Variants in GRAP2 observed in about 807,000 individuals in gnomAD.
The protein encoded by GRAP2 is GRB2 related adaptor protein 2.
In GRAP2, 31 loss-of-function variants were observed where a neutral mutation model predicts 43.5. The observed-to-expected ratio is 0.71, with a 90% CI of 0.54 to 0.96. The LOEUF (loss-of-function observed/expected upper bound fraction) is 0.96. Among genes scored for constraint, GRAP2 ranks in the 40% least tolerant of loss-of-function variants. GRAP2 has a pLI of 0.00. For synonymous variants in GRAP2, 156 were observed against 164.8 expected (o/e 0.95, Z 0.41); for missense variants, 371 against 424.4 (o/e 0.87, Z 1.11).
At chr22:39,913,508 A>G (rs2066582033) in intron 1 of GRAP2, among the ~76,000 whole-genome samples, 1 of 152,176 alleles carries the variant, frequency 6.6e-6, no homozygotes, top group Admixed American at 6.5e-5. Context: ...ACCGATGCTG[A>G]GTCAGCCAAG....
intron 1 of GRAP2, among the ~76,000 whole-genome samples, chr22:39,932,069 C>T (rs2066760811): frequency 6.6e-6 from 1 of 152,146 alleles, no homozygotes; most frequent in Non-Finnish European, 1.5e-5. Flanking sequence ...CAAAGGCTAG[C>T]CCACTCCCCG....
rs2145690647 is a variant in GRAP2, at chr22:39,972,694, A to G, written c.*1610A>G. 6.6e-6 allele frequency: 1 copy of G among 152,392 alleles called. No individual in the cohort carries two copies. The highest frequency in any genetic ancestry group is 1.5e-5 in the Non-Finnish European group (1 of 68,044). 9.4% of individuals were successfully genotyped at this position (152,392 alleles called of 1,614,324 possible). A position where few individuals can be genotyped will look rare whatever the true frequency, so the allele number is the denominator to read the frequency against. On this transcript the variant is annotated 3_prime_UTR_variant, in exon 8 of 8. Transcript: ENST00000344138. ...CAGTGTCCCTTGTGACTGTGATTCT[A>G]CAGTTCTCTGATCCTCATGTTTCCT...
intron 1 of GRAP2, among the ~76,000 whole-genome samples, chr22:39,944,784 G>T (rs1014759312): frequency 3.9e-5 from 6 of 152,150 alleles, no homozygotes; most frequent in African/African-American, 1.4e-4. Context: ...CCCAAATCAA[G>T]GTCTTATCTA....
At chr22:39,894,096 GA>G in the GRAP2 span, among the ~76,000 whole-genome samples, 970 of 148,116 alleles carry the variant, frequency 6.5e-3, 5 homozygotes, top group South Asian at 0.04. Context: ...ATTAAAAAAA[GA>G]AAAAAAATGC....
At chr22:39,897,378 T>C (rs979136250), upstream of GRAP2, among the ~76,000 whole-genome samples, 1 of 152,206 alleles carries the variant, frequency 6.6e-6, no homozygotes, top group African/African-American at 2.4e-5. Context: ...TACATTCTAA[T>C]ACAAGATACA....
intron 2 of GRAP2, among the ~76,000 whole-genome samples, chr22:39,950,142 T>G (rs760191604): frequency 6.0e-4 from 91 of 152,070 alleles, no homozygotes; most frequent in Non-Finnish European, 1.0e-3. Context: ...CCCTATATAC[T>G]CTGATTGCCC....
chr22:39,903,984 T>C (rs1295278148), intron 1 of GRAP2, among the ~76,000 whole-genome samples: 3 of 152,240 alleles, frequency 2.0e-5, no homozygotes, highest in Non-Finnish European at 4.4e-5. Flanking sequence ...TCTTTTTAAA[T>C]ATGTATTTAT....
At chr22:39,946,988 C>T in intron 1 of GRAP2, 105 bp from the exon 2 acceptor site, 1 of 740,536 alleles carries the variant, frequency 1.4e-6, no homozygotes, top group Non-Finnish European at 2.5e-6. Flanking sequence ...TGGAGACATC[C>T]ATCTGCCCAC....
chr22:39,966,122 G>A lies in GRAP2; in HGVS notation c.423G>A (p.Lys141=). 1.2e-6 allele frequency: 2 copies of A among 1,614,122 alleles called. No homozygotes were observed. Among genetic ancestry groups the A allele is most frequent in the Non-Finnish European group, 1.7e-6 (2 of 1,179,944 alleles). The change falls in exon 5 of 8, where the codon AAG becomes AAA. Residue 141 remains lysine (K), a synonymous_variant. Transcript: ENST00000344138. ...YYRTNSISRQ[K]QIFLRDRTRE... ...GGACAAATTCCATCTCCAGACAGAAGCAGATCTTCCTTAGAGACAGAACCC... is the reference window on the plus strand; with the variant it reads ...GGACAAATTCCATCTCCAGACAGAAACAGATCTTCCTTAGAGACAGAACCC...
intron 1 of GRAP2, among the ~76,000 whole-genome samples, chr22:39,939,839 G>A (rs1404315999): frequency 6.6e-6 from 1 of 151,650 alleles, no homozygotes; most frequent in Non-Finnish European, 1.5e-5. Context: ...AGCCTGGGAG[G>A]TGGAGGTTGC....
At chr22:39,949,023 T>G (rs903523518) in intron 2 of GRAP2, among the ~76,000 whole-genome samples, 2 of 152,190 alleles carry the variant, frequency 1.3e-5, no homozygotes, top group African/African-American at 2.4e-5. Context: ...GACCCTCAAG[T>G]CTGTGGCTCG....
At position 39,965,921 on chromosome 22, in the gene GRAP2, T is replaced by A. The variant is rs188608044; in HGVS notation, c.291-69T>A. On this transcript the variant is annotated intron_variant, in intron 4 of 7. Transcript: ENST00000344138. Reference sequence around the variant, plus strand: ...TCAAAGAGAACTCCACCATCCCAGATGTGAGCAGCCTGGAGGTGGTGACAT... The same window carrying A: ...TCAAAGAGAACTCCACCATCCCAGAAGTGAGCAGCCTGGAGGTGGTGACAT... 15 of 1,265,446 alleles carry A rather than the reference T, an allele frequency of 1.2e-5. No homozygotes were observed. In the East Asian group the frequency reaches 3.5e-4, roughly 29 times the overall value. The allele number at this position is 1,265,446 out of a possible 1,614,324, so 78.4% of individuals were successfully genotyped here.
chr22:39,924,035 T>TCA (rs1162641309), intron 1 of GRAP2, among the ~76,000 whole-genome samples: 4 of 152,212 alleles, frequency 2.6e-5, no homozygotes, highest in Non-Finnish European at 4.4e-5. Flanking sequence ...ATTAAGTAAG[T>TCA]CACTCATGTT....
At chr22:39,912,333 A>G (rs78042355) in intron 1 of GRAP2, among the ~76,000 whole-genome samples, 3,505 of 152,278 alleles carry the variant, frequency 0.023, 143 homozygotes, top group African/African-American at 0.08. Context: ...CAGGAGGATC[A>G]CTTGAGCCCA....
chr22:39,958,786 C>T (rs189934863), intron 3 of GRAP2, among the ~76,000 whole-genome samples: 4 of 152,266 alleles, frequency 2.6e-5, no homozygotes, highest in East Asian at 1.9e-4. Context: ...ATTTCCCACA[C>T]GTGGCAGTGG....
intron 2 of GRAP2, among the ~76,000 whole-genome samples, chr22:39,951,029 C>G (rs1381773422): frequency 6.6e-6 from 1 of 152,222 alleles, no homozygotes; most frequent in Non-Finnish European, 1.5e-5. Context: ...AGCCACCCAC[C>G]CTCAACAGAC....
At chr22:39,913,566 C>T (rs1020858340) in intron 1 of GRAP2, among the ~76,000 whole-genome samples, 6 of 152,094 alleles carry the variant, frequency 3.9e-5, no homozygotes, top group African/African-American at 1.4e-4. Context: ...TGAGAAGGGG[C>T]TTAGTGCTGA....
At chr22:39,938,852 C>T (rs756179361) in intron 1 of GRAP2, among the ~76,000 whole-genome samples, 2 of 152,150 alleles carry the variant, frequency 1.3e-5, no homozygotes, top group African/African-American at 2.4e-5. Flanking sequence ...GGCTACTGTT[C>T]AAACGCCATC....
At chr22:39,911,229 G>T (rs1168400605) in intron 1 of GRAP2, among the ~76,000 whole-genome samples, 1 of 152,048 alleles carries the variant, frequency 6.6e-6, no homozygotes, top group Non-Finnish European at 1.5e-5. Flanking sequence ...CTTCATTTTT[G>T]CAGTTATTTT....
Sources: gnomAD v4.1 joint callset for allele counts (sites outside exome capture counted in the v4.1 genomes callset) on GRCh38, gnomAD v4.1.1 for gene constraint, MANE v1.5 for transcripts, NCBI Gene and HGNC (gene_info 2026-07-23, HGNC 2026-07-21) for gene names.